Variants in DYSF observed in about 807,000 individuals in gnomAD.
DYSF encodes dystrophy-associated fer-1-like 1.
DYSF carries 212 observed loss-of-function variants against 274.9 expected under a neutral mutation model. The ratio of observed to expected loss-of-function variants is 0.77; its 90% CI spans 0.69 to 0.86. The LOEUF (loss-of-function observed/expected upper bound fraction) is 0.86, where lower values mean the gene tolerates loss of function less well. Ranked by LOEUF, DYSF falls within the 40% of genes least tolerant of loss-of-function variation. The pLI is 0.00. For missense variants in DYSF, 2,666 were observed against 2,783.2 expected, an observed-to-expected ratio of 0.96 and a Z score of 0.95; for synonymous variants, 1,091 against 1,078.7, an observed-to-expected ratio of 1.01 and a Z score of -0.22.
rs1368371043 is a variant in DYSF, at chr2:71,467,402, G to GT, written c.91+470dup. On this transcript the variant is annotated intron_variant, in intron 1 of 55. Coordinates refer to ENST00000410020, the MANE Select transcript of DYSF (RefSeq NM_001130987.2). ...ACATTGGCTGTATTGAATCTGCCCC[G>GT]TCTTAATCAGTAGGAAAAGGAACAG... is the stretch of plus-strand genomic sequence containing the variant. 4.6e-5 allele frequency among the ~76,000 whole-genome samples: 7 copies of GT among 152,126 alleles called. No individual in the cohort carries two copies. In the East Asian group the frequency reaches 1.2e-3, roughly 25 times the overall value.
rs1178266896 is a variant in DYSF at position 71,479,482 on chromosome 2, G to GAA, written c.92-1399_92-1398dup. Among the ~76,000 whole-genome samples the GAA allele has an allele frequency of 3.9e-5, 6 of 152,272 alleles. 1 individual carries two copies. In the South Asian group the frequency reaches 1.2e-3, roughly 32 times the overall value. ...TTGTTTTGTGGATCATCCAGAGAGA[G>GAA]AAATGCACTTGCCAGCCCAGTAAAG... On this transcript the variant is annotated intron_variant, in intron 1 of 55. Coordinates refer to ENST00000410020, the MANE Select transcript of DYSF (RefSeq NM_001130987.2).
chr2:71,493,107 T>C (rs1219588806), intron 3 of DYSF, among the ~76,000 whole-genome samples: 1 of 152,186 alleles, frequency 6.6e-6, no homozygotes, highest in Non-Finnish European at 1.5e-5. Context: ...CAGGCTGGTC[T>C]TGAACTCCTA....
chr2:71,614,730 G>A (rs1268732553), intron 40 of DYSF, among the ~76,000 whole-genome samples: 1 of 152,190 alleles, frequency 6.6e-6, no homozygotes, highest in Non-Finnish European at 1.5e-5. Flanking sequence ...TAGCGGAGGT[G>A]TTAATGAAAG....
At chr2:71,662,641 T>TTGTG (rs56800164) in intron 45 of DYSF, among the ~76,000 whole-genome samples, 129,475 of 150,998 alleles carry the variant, frequency 0.86, 55,869 homozygotes, top group African/African-American at 0.92. Flanking sequence ...TGTGTGTATT[T>TTGTG]TGTGTGTATG....
intron 3 of DYSF, among the ~76,000 whole-genome samples, chr2:71,489,309 T>C (rs774194205): frequency 5.3e-5 from 8 of 152,106 alleles, no homozygotes; most frequent in Non-Finnish European, 1.0e-4. Flanking sequence ...CCAAATCATA[T>C]GAATGCATAG....
intron 1 of DYSF, among the ~76,000 whole-genome samples, chr2:71,473,357 T>A (rs79136496): frequency 0.025 from 3,813 of 152,276 alleles, 183 homozygotes; most frequent in African/African-American, 0.087. Context: ...TGGTCTTATG[T>A]GTATTCTAAT....
At chr2:71,654,078 C>A (rs2094721617) in intron 42 of DYSF, among the ~76,000 whole-genome samples, 1 of 152,042 alleles carries the variant, frequency 6.6e-6, no homozygotes, top group Non-Finnish European at 1.5e-5. Flanking sequence ...AAAACAAACA[C>A]CAACAGATGG....
upstream of DYSF, among the ~76,000 whole-genome samples, chr2:71,462,547 C>T (rs536798180): frequency 3.9e-5 from 6 of 152,330 alleles, no homozygotes; most frequent in Admixed American, 3.9e-4. Flanking sequence ...TCTTTCAGTC[C>T]TGCTGTTCAG....
intron 3 of DYSF, among the ~76,000 whole-genome samples, chr2:71,490,190 G>A (rs1404867858): frequency 6.6e-6 from 1 of 152,090 alleles, no homozygotes; most frequent in Non-Finnish European, 1.5e-5. Flanking sequence ...TTTCACGGAA[G>A]TATAAAAAAA....
rs144476275 is a variant in DYSF at position 71,467,860 on chromosome 2, G to A, written c.91+927G>A. 3.2e-3 allele frequency among the ~76,000 whole-genome samples: 482 copies of A among 152,164 alleles called. 3 individuals carry two copies. Among genetic ancestry groups the A allele is most frequent in the African/African-American group, 9.6e-3 (399 of 41,486 alleles). On this transcript the variant is annotated intron_variant, in intron 1 of 55. Transcript: ENST00000410020. ...AAAAGATAGTCAAATGAAGAAGGAA[G>A]AGTAGCTGGTGTTTTCATAAGCCTC...
chr2:71,497,124 A>T (rs4852794), intron 3 of DYSF, among the ~76,000 whole-genome samples: 1 of 152,074 alleles, frequency 6.6e-6, no homozygotes, highest in Non-Finnish European at 1.5e-5. Context: ...ACTGCCCTAC[A>T]GATTCATCGT....
At chr2:71,553,450 C>G (rs1016312924) in intron 20 of DYSF, among the ~76,000 whole-genome samples, 1 of 152,186 alleles carries the variant, frequency 6.6e-6, no homozygotes, top group Non-Finnish European at 1.5e-5. Context: ...GTCAGCCAGC[C>G]TTGGTTTGGA....
chr2:71,598,495 C>T, intron 32 of DYSF, 69 bp from the exon 33 acceptor site: 1 of 1,581,164 alleles, frequency 6.3e-7, no homozygotes, highest in Admixed American at 1.7e-5. Flanking sequence ...CCCCACATGG[C>T]TCTGGAGAAG....
At chr2:71,643,856 G>A (rs2094525336) in intron 41 of DYSF, 109 bp from the exon 42 acceptor site, 2 of 824,654 alleles carry the variant, frequency 2.4e-6, no homozygotes, top group African/African-American at 1.7e-5. Flanking sequence ...CCTTAGGAAA[G>A]CCTTGTGGTC....
In DYSF at chr2:71,530,613, G is replaced by A. The variant is rs376304658; in HGVS notation, c.1380+2212G>A. Among the ~76,000 whole-genome samples the A allele has an allele frequency of 7.2e-4, 109 of 152,278 alleles. 3 individuals are homozygous for A. The South Asian group carries it at 0.022, about 30-fold the overall frequency. On this transcript the variant is annotated intron_variant, in intron 14 of 55. Transcript: ENST00000410020. The stretch of plus-strand genomic sequence containing the variant: ...TCCCATTTTTCCTCTAGAAGGAGGT[G>A]GAGGGAGTTGAAGAATGACCTTATG...
At chr2:71,617,508 G>A (rs537511058) in intron 40 of DYSF, among the ~76,000 whole-genome samples, 1 of 152,274 alleles carries the variant, frequency 6.6e-6, no homozygotes, top group African/African-American at 2.4e-5. Flanking sequence ...TTGGAAGTGG[G>A]ACTCTGTGTG....
exon 1 of DYSF, chr2:71,453,911 A>G: frequency 7.5e-7 from 1 of 1,327,838 alleles, no homozygotes; most frequent in Non-Finnish European, 1.1e-6. Context: ...CTCTCCAGCG[A>G]GGGGACCCAC....
intron 22 of DYSF, among the ~76,000 whole-genome samples, chr2:71,560,350 C>T (rs1211789878): frequency 6.6e-6 from 1 of 152,138 alleles, no homozygotes; most frequent in Non-Finnish European, 1.5e-5. Context: ...TGGCTCGGCT[C>T]TCCCTATCCC....
chr2:71,580,960 T>C (rs1283890413), intron 30 of DYSF, among the ~76,000 whole-genome samples: 2 of 152,226 alleles, frequency 1.3e-5, no homozygotes, highest in African/African-American at 4.8e-5. Flanking sequence ...GTATCACCCA[T>C]GTGGGTCATT....
Sources: allele counts gnomAD v4.1 joint callset (sites outside exome capture counted in the v4.1 genomes callset), GRCh38; gene constraint gnomAD v4.1.1; transcripts MANE v1.5; gene names NCBI Gene and HGNC (gene_info 2026-07-23, HGNC 2026-07-21).